TCEA1: variants seen among roughly 807,000 people sequenced by gnomAD.
TCEA1 encodes the protein transcription elongation factor A protein 1.
In TCEA1, 21 loss-of-function variants were observed where a neutral mutation model predicts 43.8. That is an observed-to-expected ratio of 0.48 (90% CI 0.34 to 0.69). The LOEUF (loss-of-function observed/expected upper bound fraction) is 0.69, where lower values mean the gene tolerates loss of function less well. Ranked by LOEUF, TCEA1 falls within the 30% of genes least tolerant of loss-of-function variation. The probability of loss-of-function intolerance (pLI) is 0.01; values close to 1 mark genes in which losing one functional copy is unlikely to be tolerated. For missense variants in TCEA1, 250 were observed against 365.1 expected (o/e 0.68, Z 2.57); for synonymous variants, 104 against 117.5 (o/e 0.88, Z 0.75).
Position 54,022,389 on chromosome 8 carries a change from G to A in TCEA1, c.-264C>T, listed in dbSNP as rs2129316584. On this transcript the variant is annotated 5_prime_UTR_variant, in exon 1 of 10. Transcript: ENST00000521604. ...AACTGACTGCAGATCGCTGGTGAGG[G>A]GCGAGCCCATGTTCCCGCCAGGCGG... 3.9e-6 allele frequency: 2 copies of A among 516,318 alleles called. No homozygotes were observed. Among genetic ancestry groups the A allele is most frequent in the East Asian group, 7.4e-5 (2 of 26,980 alleles). The allele number at this position is 516,318 out of a possible 1,614,324, so 32.0% of individuals were successfully genotyped here.
chr8:53,986,796 T>C lies in TCEA1; in HGVS notation c.523+173A>G, dbSNP rs138951346. 4.3e-3 allele frequency among the ~76,000 whole-genome samples: 652 copies of C among 152,308 alleles called. 3 individuals carry two copies. The highest frequency in any genetic ancestry group is 0.014 in the African/African-American group (579 of 41,560). ...GCCCTGTCAGTGTCAGGCTGTGTGA[T>C]CTAGAACAATGACCAATCCTCTTCT... On this transcript the variant is annotated intron_variant, in intron 6 of 9. Coordinates refer to ENST00000521604, the MANE Select transcript of TCEA1 (RefSeq NM_006756.4).
chr8:54,002,119 C>T (rs373981183), intron 2 of TCEA1, among the ~76,000 whole-genome samples: 1 of 150,708 alleles, frequency 6.6e-6, no homozygotes, highest in African/African-American at 2.4e-5. Flanking sequence ...CAGCGAGCCA[C>T]GATCACACCA....
At chr8:54,006,342 G>A (rs2129310915) in intron 2 of TCEA1, among the ~76,000 whole-genome samples, 1 of 152,282 alleles carries the variant, frequency 6.6e-6, no homozygotes, top group South Asian at 2.1e-4. Flanking sequence ...AGCCGGGTGT[G>A]GTGATACACG....
chr8:53,986,116 C>T (rs1803682461), intron 6 of TCEA1, among the ~76,000 whole-genome samples: 1 of 152,186 alleles, frequency 6.6e-6, no homozygotes, highest in African/African-American at 2.4e-5. Flanking sequence ...ATTATGACCA[C>T]TTGAAGTTGT....
intron 2 of TCEA1, among the ~76,000 whole-genome samples, chr8:54,007,955 G>C (rs1210459773): frequency 1.3e-5 from 2 of 152,070 alleles, no homozygotes; most frequent in Non-Finnish European, 2.9e-5. Flanking sequence ...GCCAAGGATG[G>C]TGGATCACCC....
intron 6 of TCEA1, 42 bp from the exon 7 acceptor site, chr8:53,984,559 A>G: frequency 6.7e-7 from 1 of 1,494,614 alleles, no homozygotes; most frequent in Non-Finnish European, 8.9e-7. Flanking sequence ...TACAAAAGTA[A>G]GATCACTTTT....
intron 2 of TCEA1, among the ~76,000 whole-genome samples, chr8:54,004,673 T>C (rs1804382198): frequency 6.6e-6 from 1 of 152,138 alleles, no homozygotes; most frequent in South Asian, 2.1e-4. Context: ...ATGAAAATGT[T>C]CTAAAGTTAA....
At position 53,973,201 on chromosome 8, in the gene TCEA1, T is replaced by C. The variant is rs1213575689; in HGVS notation, c.826-2738A>G. 1.2e-4 allele frequency: 56 copies of C among 483,334 alleles called. 1 individual carries two copies. The highest frequency in any genetic ancestry group is 8.3e-4 in the South Asian group (43 of 51,798). 29.9% of individuals were successfully genotyped at this position (483,334 alleles called of 1,614,324 possible). Reference sequence around the variant, plus strand: ...ACGATGAAGAACAAATCACTAAATATAGGCAACTTTTGCAGGTTATTCAAG... The same window carrying C: ...ACGATGAAGAACAAATCACTAAATACAGGCAACTTTTGCAGGTTATTCAAG... On this transcript the variant is annotated intron_variant, in intron 8 of 9. Transcript: ENST00000521604.
chr8:53,984,062 T>C (rs898314191), intron 7 of TCEA1, among the ~76,000 whole-genome samples: 1 of 152,126 alleles, frequency 6.6e-6, no homozygotes, highest in African/African-American at 2.4e-5. Flanking sequence ...ATCGTGCCAT[T>C]GCACTCCAGC....
At chr8:53,982,215 T>C (rs947217130) in intron 7 of TCEA1, among the ~76,000 whole-genome samples, 9 of 152,258 alleles carry the variant, frequency 5.9e-5, no homozygotes, top group East Asian at 3.9e-4. Flanking sequence ...TAGTGATTCA[T>C]TGAGAAGAGG....
intron 3 of TCEA1, among the ~76,000 whole-genome samples, chr8:53,998,851 AAGG>A (rs1804154595): frequency 6.6e-6 from 1 of 152,200 alleles, no homozygotes. Flanking sequence ...GGGGAAAACA[AAGG>A]AGAAGGGATA....
chr8:53,975,103 G>A (rs2129299233), intron 8 of TCEA1, among the ~76,000 whole-genome samples: 1 of 138,660 alleles, frequency 7.2e-6, no homozygotes, highest in African/African-American at 3.0e-5. Flanking sequence ...TTTTTGTATA[G>A]CACTGATTTA....
intron 1 of TCEA1, among the ~76,000 whole-genome samples, chr8:54,016,589 A>G (rs1055070617): frequency 1.3e-5 from 2 of 152,192 alleles, no homozygotes; most frequent in African/African-American, 4.8e-5. Flanking sequence ...CTGTAATCCC[A>G]GCACTTTGGG....
chr8:53,975,721 T>G (rs1187859397), intron 8 of TCEA1, among the ~76,000 whole-genome samples: 1 of 152,166 alleles, frequency 6.6e-6, no homozygotes, highest in East Asian at 1.9e-4. Context: ...GAATGGTGGT[T>G]GTTGGGCTGG....
intron 8 of TCEA1, among the ~76,000 whole-genome samples, chr8:53,977,074 C>T (rs1351102504): frequency 6.6e-6 from 1 of 152,190 alleles, no homozygotes; most frequent in African/African-American, 2.4e-5. Flanking sequence ...AATCCCAGCA[C>T]TTTGGGAGGC....
At chr8:54,008,421 G>A (rs779063151) in intron 2 of TCEA1, among the ~76,000 whole-genome samples, 1 of 151,898 alleles carries the variant, frequency 6.6e-6, no homozygotes, top group Non-Finnish European at 1.5e-5. Flanking sequence ...CCAGCACTTT[G>A]GGAGACCAAG....
At chr8:54,006,434 G>A (rs1345846976) in intron 2 of TCEA1, among the ~76,000 whole-genome samples, 6 of 152,028 alleles carry the variant, frequency 3.9e-5, no homozygotes, top group Middle Eastern at 3.2e-3. Context: ...AGCCGAGATC[G>A]TGCCATTGCA....
chr8:53,986,008 C>T (rs1586003499), intron 6 of TCEA1, among the ~76,000 whole-genome samples: 1 of 152,186 alleles, frequency 6.6e-6, no homozygotes, highest in East Asian at 1.9e-4. Flanking sequence ...TGTCCCTCTC[C>T]TTTCCAAGAA....
At chr8:53,990,406 A>G (rs1803840654) in intron 4 of TCEA1, among the ~76,000 whole-genome samples, 1 of 146,338 alleles carries the variant, frequency 6.8e-6, no homozygotes, top group Non-Finnish European at 1.5e-5. Flanking sequence ...GCTGTCACCC[A>G]GACTGGAGTG....
Sources: allele counts gnomAD v4.1 joint callset (sites outside exome capture counted in the v4.1 genomes callset), GRCh38; gene constraint gnomAD v4.1.1; transcripts MANE v1.5; gene names NCBI Gene and HGNC (gene_info 2026-07-23, HGNC 2026-07-21).